Variants in HS3ST5 observed in about 807,000 individuals in gnomAD.
HS3ST5 encodes heparan sulfate glucosamine 3-O-sulfotransferase 5.
Under a neutral mutation model 25.4 loss-of-function variants are expected in HS3ST5, and 10 were observed. The observed-to-expected ratio is 0.39, with a 90% confidence interval of 0.24 to 0.67. The LOEUF is 0.67. HS3ST5 is among the 30% of genes least tolerant of loss of function. HS3ST5 has a pLI of 0.44. For missense variants in HS3ST5, 324 were observed against 420.7 expected (o/e 0.77, Z 2.01); for synonymous variants, 170 against 162.4 (o/e 1.05, Z -0.36).
intron 3 of HS3ST5, among the ~76,000 whole-genome samples, chr6:114,161,521 T>TTTTATATATA (rs1464812966): frequency 6.0e-5 from 2 of 33,538 alleles, no homozygotes; most frequent in Non-Finnish European, 5.6e-5. Flanking sequence ...TCCTGAAGTT[T>TTTTATATATA]TATATATATA....
intron 1 of HS3ST5, among the ~76,000 whole-genome samples, chr6:114,237,010 T>C (rs893802639): frequency 1.3e-5 from 2 of 152,254 alleles, no homozygotes; most frequent in Admixed American, 6.5e-5. Flanking sequence ...ATACTTTTTA[T>C]GATGACTTTA....
chr6:114,061,338 C>T (rs997989127), intron 4 of HS3ST5, among the ~76,000 whole-genome samples: 2 of 152,118 alleles, frequency 1.3e-5, no homozygotes, highest in Admixed American at 6.6e-5. Flanking sequence ...TACTGGAAGT[C>T]GGTGAGAAGC....
At chr6:114,187,067 C>G in intron 2 of HS3ST5, among the ~76,000 whole-genome samples, 1 of 152,142 alleles carries the variant, frequency 6.6e-6, no homozygotes, top group Non-Finnish European at 1.5e-5. Flanking sequence ...GATCACTGCT[C>G]ATTGATAATA....
intron 3 of HS3ST5, among the ~76,000 whole-genome samples, chr6:114,155,968 C>T (rs1029704428): frequency 6.6e-6 from 1 of 151,944 alleles, no homozygotes; most frequent in Non-Finnish European, 1.5e-5. Context: ...TAACAGCCAC[C>T]AGGAAAAAAA....
intron 1 of HS3ST5, among the ~76,000 whole-genome samples, chr6:114,259,371 C>T (rs1444493198): frequency 6.6e-6 from 1 of 152,180 alleles, no homozygotes; most frequent in African/African-American, 2.4e-5. Context: ...ACTCATGTGG[C>T]ATCATTGTAA....
At chr6:114,286,136 G>GT (rs1774330595) in intron 1 of HS3ST5, among the ~76,000 whole-genome samples, 1 of 151,772 alleles carries the variant, frequency 6.6e-6, no homozygotes, top group South Asian at 2.1e-4. Flanking sequence ...ATGTAATGCT[G>GT]TTTTTGATAA....
intron 2 of HS3ST5, among the ~76,000 whole-genome samples, chr6:114,211,279 G>C (rs1781499210): frequency 6.6e-6 from 1 of 152,096 alleles, no homozygotes; most frequent in Non-Finnish European, 1.5e-5. Flanking sequence ...TTTAATTGGA[G>C]AATGGGACTT....
chr6:114,146,751 T>C (rs1427919025), intron 3 of HS3ST5, among the ~76,000 whole-genome samples: 3 of 152,140 alleles, frequency 2.0e-5, no homozygotes, highest in Non-Finnish European at 2.9e-5. Flanking sequence ...CTCATGTGAT[T>C]TGGTCATTTA....
chr6:114,280,812 CAGCTGTAGACAG>C (rs1774073207), intron 1 of HS3ST5, among the ~76,000 whole-genome samples: 1 of 151,960 alleles, frequency 6.6e-6, no homozygotes, highest in Non-Finnish European at 1.5e-5. Flanking sequence ...AGGGCGCCTT[CAGCTGTAGACAG>C]AGCTGAAGTA....
intron 1 of HS3ST5, among the ~76,000 whole-genome samples, chr6:114,320,895 T>G (rs913911737): frequency 1.7e-5 from 1 of 60,460 alleles, no homozygotes; most frequent in African/African-American, 6.5e-5. Flanking sequence ...TAGGAAGTGC[T>G]CTCTCTCTCT....
intron 1 of HS3ST5, among the ~76,000 whole-genome samples, chr6:114,234,033 G>A (rs1407585898): frequency 2.0e-5 from 3 of 152,168 alleles, no homozygotes; most frequent in Non-Finnish European, 2.9e-5. Flanking sequence ...GCCAGATAAT[G>A]TTTTCCAAGT....
At chr6:114,104,404 G>A (rs772678817) in intron 3 of HS3ST5, among the ~76,000 whole-genome samples, 91 of 152,072 alleles carry the variant, frequency 6.0e-4, no homozygotes, top group African/African-American at 2.1e-3. Flanking sequence ...CAGGCCTCCC[G>A]GCAGCCCATA....
intron 3 of HS3ST5, among the ~76,000 whole-genome samples, chr6:114,161,485 T>A (rs1336516139): frequency 3.1e-5 from 4 of 128,178 alleles, no homozygotes; most frequent in African/African-American, 1.2e-4. Flanking sequence ...AAACAGCATC[T>A]AAGTAATTCT....
chr6:114,072,513 A>T (rs1415023992), intron 3 of HS3ST5, among the ~76,000 whole-genome samples: 2 of 152,084 alleles, frequency 1.3e-5, no homozygotes, highest in South Asian at 4.1e-4. Flanking sequence ...TAATTATCTT[A>T]CTCCATTTTA....
intron 1 of HS3ST5, among the ~76,000 whole-genome samples, chr6:114,291,384 G>A (rs528717114): frequency 1.7e-4 from 26 of 151,994 alleles, no homozygotes; most frequent in African/African-American, 5.8e-4. Flanking sequence ...TTATGCACCC[G>A]CAAGTTATTA....
chr6:114,256,660 T>C (rs1351042736), intron 1 of HS3ST5, among the ~76,000 whole-genome samples: 2 of 152,190 alleles, frequency 1.3e-5, no homozygotes, highest in East Asian at 1.9e-4. Flanking sequence ...GTCCATATCA[T>C]TATCAGTATT....
chr6:114,201,276 C>CTT (rs900326104), intron 2 of HS3ST5, among the ~76,000 whole-genome samples: 2 of 152,168 alleles, frequency 1.3e-5, no homozygotes, highest in African/African-American at 4.8e-5. Flanking sequence ...CTTGACCTCT[C>CTT]TTTTTTACCT....
intron 3 of HS3ST5, among the ~76,000 whole-genome samples, chr6:114,128,165 C>T (rs1777143472): frequency 6.6e-6 from 1 of 152,066 alleles, no homozygotes; most frequent in Non-Finnish European, 1.5e-5. Flanking sequence ...CTGATATACA[C>T]CTCTGGTTAA....
intron 3 of HS3ST5, among the ~76,000 whole-genome samples, chr6:114,151,834 A>G (rs1274704461): frequency 1.3e-5 from 2 of 152,180 alleles, no homozygotes. Flanking sequence ...TTTCAAGGTC[A>G]TTATTTTTCA....
Sources: gnomAD v4.1 joint callset for allele counts (sites outside exome capture counted in the v4.1 genomes callset) on GRCh38, gnomAD v4.1.1 for gene constraint, MANE v1.5 for transcripts, NCBI Gene and HGNC (gene_info 2026-07-23, HGNC 2026-07-21) for gene names.